The following SLC1A1 variants were observed in gnomAD, a reference collection of about 807,000 sequenced individuals.
The protein encoded by SLC1A1 is solute carrier family 1 member 1.
SLC1A1 carries 43 observed loss-of-function variants against 53.3 expected under a neutral mutation model. The observed-to-expected ratio is 0.81, with a 90% CI of 0.63 to 1.04. SLC1A1 has a LOEUF of 1.04. Among genes scored for constraint, SLC1A1 ranks in the 50% least tolerant of loss-of-function variants. The probability of loss-of-function intolerance (pLI) is 0.00; values close to 1 mark genes in which losing one functional copy is unlikely to be tolerated. For missense variants in SLC1A1, 748 were observed against 664.9 expected, an observed-to-expected ratio of 1.12 and a Z score of -1.37; for synonymous variants, 307 against 243.2, an observed-to-expected ratio of 1.26 and a Z score of -2.44.
Position 4,576,001 on chromosome 9 carries a change from G to A in SLC1A1, c.876G>A (p.Gly292=). ...TTTAATTTCTCTTTCTTGTTTACAG[G>A]CTTGCAATCCACTCCATTGTAATTC... ...LGLYMATVLT[G]LAIHSIVILP... is the part of the protein sequence containing the mutation. The change falls in exon 9 of 12, where the codon GGG becomes GGA. Residue 292 remains glycine, a splice_region_variant and synonymous_variant. Transcript: ENST00000262352. The A allele has an allele frequency of 1.2e-6, 2 of 1,614,012 alleles. No homozygotes were observed. Among genetic ancestry groups the A allele is most frequent in the African/African-American group, 2.7e-5 (2 of 75,052 alleles).
rs1030145257 is a variant in SLC1A1 at position 4,586,019 on chromosome 9, C to T, written c.*461C>T. 1 of 175,804 alleles carries T rather than the reference C, an allele frequency of 5.7e-6. No homozygotes were observed. The highest frequency in any genetic ancestry group is 2.4e-5 in the African/African-American group (1 of 41,550). The allele number at this position is 175,804 out of a possible 1,614,324, so 10.9% of individuals were successfully genotyped here. On this transcript the variant is annotated 3_prime_UTR_variant, in exon 12 of 12. Coordinates refer to ENST00000262352, the MANE Select transcript of SLC1A1 (RefSeq NM_004170.6). Reference sequence around the variant, plus strand: ...TATAAATTATAATGCATCTAAACCACCTGTCCCCAGTTAATGTGCCAAAAT... The same window carrying T: ...TATAAATTATAATGCATCTAAACCATCTGTCCCCAGTTAATGTGCCAAAAT...
chr9:4,500,024 C>T (rs923065057), intron 1 of SLC1A1, among the ~76,000 whole-genome samples: 2 of 152,246 alleles, frequency 1.3e-5, no homozygotes, highest in Middle Eastern at 3.4e-3. Context: ...AGAAAGCTTT[C>T]CACATTAATT....
At chr9:4,502,185 A>G (rs1394314606) in intron 1 of SLC1A1, among the ~76,000 whole-genome samples, 1 of 151,152 alleles carries the variant, frequency 6.6e-6, no homozygotes, top group Non-Finnish European at 1.5e-5. Context: ...CCAGGAGTCC[A>G]AGACCAGCCT....
At chr9:4,498,442 A>T (rs1563992387) in intron 1 of SLC1A1, among the ~76,000 whole-genome samples, 1 of 152,198 alleles carries the variant, frequency 6.6e-6, no homozygotes, top group Non-Finnish European at 1.5e-5. Flanking sequence ...AAAACACTAA[A>T]TAAAATAATA....
At chr9:4,516,555 C>G (rs1398119274) in intron 1 of SLC1A1, among the ~76,000 whole-genome samples, 1 of 152,174 alleles carries the variant, frequency 6.6e-6, no homozygotes, top group Non-Finnish European at 1.5e-5. Context: ...ATCTATCCCA[C>G]TCCTGATGAA....
intron 1 of SLC1A1, among the ~76,000 whole-genome samples, chr9:4,541,726 G>A (rs1275283443): frequency 6.6e-6 from 1 of 152,178 alleles, no homozygotes; most frequent in Non-Finnish European, 1.5e-5. Flanking sequence ...AGTTTCAACG[G>A]CTGAGATTTT....
At chr9:4,535,498 T>G (rs377576815) in intron 1 of SLC1A1, among the ~76,000 whole-genome samples, 1 of 151,982 alleles carries the variant, frequency 6.6e-6, no homozygotes, top group Admixed American at 6.6e-5. Flanking sequence ...ATCCAACTTA[T>G]AAGGGATGTG....
At chr9:4,563,367 CAG>C (rs1819167088) in intron 3 of SLC1A1, among the ~76,000 whole-genome samples, 1 of 152,138 alleles carries the variant, frequency 6.6e-6, no homozygotes, top group South Asian at 2.1e-4. Context: ...AAGACAGACA[CAG>C]AGAAAAAATA....
At chr9:4,564,769 T>C (rs1177734922) in intron 4 of SLC1A1, among the ~76,000 whole-genome samples, 1 of 152,150 alleles carries the variant, frequency 6.6e-6, no homozygotes, top group Non-Finnish European at 1.5e-5. Context: ...GAAAAATACA[T>C]CTTTTAATTG....
chr9:4,533,325 T>C (rs1816548358), intron 1 of SLC1A1, among the ~76,000 whole-genome samples: 1 of 152,120 alleles, frequency 6.6e-6, no homozygotes, highest in South Asian at 2.1e-4. Flanking sequence ...ACCCATCTCA[T>C]GGGCAGAGAC....
chr9:4,536,671 G>C (rs554684637), intron 1 of SLC1A1, among the ~76,000 whole-genome samples: 5 of 152,304 alleles, frequency 3.3e-5, no homozygotes, highest in African/African-American at 1.2e-4. Flanking sequence ...AATACCATTT[G>C]ACCTGGCAAT....
intron 7 of SLC1A1, among the ~76,000 whole-genome samples, chr9:4,572,658 C>A (rs1476317986): frequency 6.6e-6 from 1 of 152,194 alleles, no homozygotes; most frequent in Non-Finnish European, 1.5e-5. Context: ...AGCGATCCTC[C>A]CGTCTCAGCT....
At chr9:4,547,619 G>C (rs1169207087) in intron 2 of SLC1A1, among the ~76,000 whole-genome samples, 1 of 152,186 alleles carries the variant, frequency 6.6e-6, no homozygotes, top group Admixed American at 6.5e-5. Context: ...TTTGGAGCAT[G>C]TTCTGATCTC....
At chr9:4,491,799 G>A (rs915049906) in intron 1 of SLC1A1, among the ~76,000 whole-genome samples, 3 of 152,230 alleles carry the variant, frequency 2.0e-5, no homozygotes, top group South Asian at 4.1e-4. Context: ...AACTGCAGCT[G>A]TGTTTGCTGA....
intron 2 of SLC1A1, among the ~76,000 whole-genome samples, chr9:4,548,511 GA>G (rs1211533386): frequency 3.3e-5 from 5 of 150,906 alleles, no homozygotes; most frequent in Non-Finnish European, 5.9e-5. Context: ...TTAACAGGTA[GA>G]AAAAAAAATT....
At chr9:4,499,038 G>GTA (rs1237022646) in intron 1 of SLC1A1, among the ~76,000 whole-genome samples, 25 of 117,136 alleles carry the variant, frequency 2.1e-4, no homozygotes, top group East Asian at 1.9e-3. Flanking sequence ...TATTATATAT[G>GTA]TATATATATA....
chr9:4,493,895 G>C (rs1162628152), intron 1 of SLC1A1, among the ~76,000 whole-genome samples: 1 of 152,212 alleles, frequency 6.6e-6, no homozygotes, highest in Non-Finnish European at 1.5e-5. Context: ...GAGGGGAAAT[G>C]TAATAAGGGT....
At chr9:4,585,222 A>C in intron 11 of SLC1A1, 90 bp from the exon 12 acceptor site, 7 of 1,555,324 alleles carry the variant, frequency 4.5e-6, no homozygotes, top group Non-Finnish European at 6.2e-6. Context: ...ACTGAAATCT[A>C]AACTGAACAT....
At chr9:4,566,873 T>G (rs1003299514) in intron 5 of SLC1A1, among the ~76,000 whole-genome samples, 18 of 152,264 alleles carry the variant, frequency 1.2e-4, no homozygotes, top group African/African-American at 4.3e-4. Flanking sequence ...CATCACAAAC[T>G]GCTGTATTCA....
Sources: gnomAD v4.1 joint callset for allele counts (sites outside exome capture counted in the v4.1 genomes callset) on GRCh38, gnomAD v4.1.1 for gene constraint, MANE v1.5 for transcripts, NCBI Gene and HGNC (gene_info 2026-07-23, HGNC 2026-07-21) for gene names.